The following RCBTB1 variants were observed in gnomAD, a reference collection of about 807,000 sequenced individuals.
RCBTB1 encodes RCC1 and BTB domain-containing protein 1.
A neutral mutation model predicts 62.4 loss-of-function variants in RCBTB1; 46 were observed. That is an observed-to-expected ratio of 0.74 (90% CI 0.58 to 0.94). The LOEUF is 0.94. Ranked by LOEUF, RCBTB1 falls within the 40% of genes least tolerant of loss-of-function variation. The pLI, the probability that RCBTB1 is intolerant of heterozygous loss-of-function variation, is 0.00. For missense variants in RCBTB1, 565 were observed against 654.9 expected, an observed-to-expected ratio of 0.86 and a Z score of 1.50; for synonymous variants, 222 against 245.8, an observed-to-expected ratio of 0.90 and a Z score of 0.91.
intron 1 of RCBTB1, among the ~76,000 whole-genome samples, chr13:49,584,534 C>T (rs1025595837): frequency 9.6e-4 from 146 of 152,230 alleles, no homozygotes; most frequent in African/African-American, 3.3e-3. Context: ...CTATAAACTG[C>T]CCTCAGGATT....
intron 4 of RCBTB1, among the ~76,000 whole-genome samples, chr13:49,564,709 G>A (rs1345123033): frequency 6.6e-5 from 10 of 151,070 alleles, no homozygotes; most frequent in African/African-American, 2.4e-4. Flanking sequence ...GGCTAACACG[G>A]TGAAACCCCA....
At chr13:49,571,734 G>C (rs578152924) in intron 2 of RCBTB1, among the ~76,000 whole-genome samples, 51 of 152,188 alleles carry the variant, frequency 3.4e-4, no homozygotes, top group South Asian at 1.5e-3. Flanking sequence ...GCAGCAGAGC[G>C]TAACTGTAAA....
At chr13:49,569,466 C>A (rs928446524) in intron 2 of RCBTB1, among the ~76,000 whole-genome samples, 18 of 151,848 alleles carry the variant, frequency 1.2e-4, no homozygotes, top group African/African-American at 4.4e-4. Context: ...AATCCCAGCA[C>A]TTTGGGAGAC....
chr13:49,541,050 T>C (rs1223644845), intron 11 of RCBTB1, 44 bp from the exon 12 acceptor site: 3 of 1,566,614 alleles, frequency 1.9e-6, no homozygotes, highest in Non-Finnish European at 2.6e-6. Context: ...TGTATAATAA[T>C]TTCCAATACA....
intron 12 of RCBTB1, among the ~76,000 whole-genome samples, chr13:49,537,552 G>GT (rs1307061148): frequency 6.6e-6 from 1 of 152,134 alleles, no homozygotes; most frequent in Non-Finnish European, 1.5e-5. Context: ...AAGCAAGATC[G>GT]TAAGATATAA....
chr13:49,558,219 T>A (rs1426555919), intron 5 of RCBTB1, among the ~76,000 whole-genome samples: 5 of 152,170 alleles, frequency 3.3e-5, no homozygotes, highest in Non-Finnish European at 7.3e-5. Context: ...TCTCAATGAT[T>A]CTAGTGAGAG....
chr13:49,541,018 A>G lies in RCBTB1; in HGVS notation c.1325-12T>C, dbSNP rs1381538680. ...CAAATCCAGAAGACCTAAAAGTAAA[A>G]TATGTGAAAGGTTTAATCAAATGTA... On this transcript the variant is annotated splice_polypyrimidine_tract_variant and intron_variant, in intron 11 of 12. Coordinates refer to ENST00000378302, the MANE Select transcript of RCBTB1 (RefSeq NM_018191.4). The G allele has an allele frequency of 1.2e-6, 2 of 1,607,896 alleles. No individual in the cohort carries two copies. The highest frequency in any genetic ancestry group is 1.1e-5 in the South Asian group (1 of 90,830).
At chr13:49,569,532 T>C (rs1242187592) in intron 2 of RCBTB1, among the ~76,000 whole-genome samples, 1 of 151,780 alleles carries the variant, frequency 6.6e-6, no homozygotes, top group African/African-American at 2.4e-5. Context: ...GCAAACATAG[T>C]GAAACCCCAT....
rs1160885874 is a variant in RCBTB1 at position 49,540,936 on chromosome 13, T to A, written c.1395A>T (p.Arg465Ser). Residue 465 changes from arginine to serine, a missense_variant, in exon 12 of 13, where the codon AGA becomes AGT. Physicochemically the swap from Arg to Ser is moderately radical, Grantham distance 110. Coordinates refer to ENST00000378302, the MANE Select transcript of RCBTB1 (RefSeq NM_018191.4). Reference protein sequence around the residue: ...LKKLCQHIIKRGITVENAFSL... With the variant: ...LKKLCQHIIKSGITVENAFSL... ...AAAAGGCATTCTCCACAGTAATTCC[T>A]CTCTTGATAATGTGCTGACAAAGTT... is the stretch of plus-strand genomic sequence containing the variant. 6.2e-7 allele frequency: 1 copy of A among 1,613,792 alleles called. No homozygotes were observed. The highest frequency in any genetic ancestry group is 8.5e-7 in the Non-Finnish European group (1 of 1,180,008).
intron 7 of RCBTB1, 30 bp from the exon 8 acceptor site, chr13:49,551,498 G>C: frequency 1.2e-6 from 2 of 1,612,194 alleles, no homozygotes; most frequent in Non-Finnish European, 1.7e-6. Flanking sequence ...GTTACCATTA[G>C]CAGGAAAACA....
intron 2 of RCBTB1, among the ~76,000 whole-genome samples, chr13:49,572,983 G>T (rs566330254): frequency 1.3e-5 from 2 of 152,290 alleles, no homozygotes; most frequent in South Asian, 4.1e-4. Flanking sequence ...ACCTTGGTAA[G>T]TACCCTGAGC....
Position 49,550,152 on chromosome 13 carries a change from T to C in RCBTB1, c.855-504A>G, listed in dbSNP as rs12876188. Among the ~76,000 whole-genome samples, 38 of 152,214 alleles carry C rather than the reference T, an allele frequency of 2.5e-4. No homozygotes were observed. The South Asian group carries it at 2.9e-3, about 12-fold the overall frequency. ...CACCACCATACCCGGCTAAGTTTTG[T>C]ATTTTTTATAGAGACAGAGTCTCGC... On this transcript the variant is annotated intron_variant, in intron 8 of 12. Coordinates refer to ENST00000378302, the MANE Select transcript of RCBTB1 (RefSeq NM_018191.4).
chr13:49,567,120 C>A, intron 3 of RCBTB1, 34 bp downstream of exon 3: 1 of 1,609,796 alleles, frequency 6.2e-7, no homozygotes, highest in South Asian at 1.1e-5. Context: ...CCAAATAAGT[C>A]CTAAAACGAA....
In RCBTB1 at chr13:49,544,854, T is replaced by C; in HGVS notation, c.1055A>G (p.Asp352Gly). The part of the protein sequence containing the change: ...SWRLLSVEHE[D>G]FLTVAESLKK... ...CAGTGACTCTGCAACTGTTAAAAAG[T>C]CTTCATGCTCTGAAGGCAACAAACA... is the stretch of plus-strand genomic sequence containing the variant. The change falls in exon 10 of 13, where the codon GAC becomes GGC. Residue 352 changes from aspartate to glycine, a missense_variant. Physicochemically the swap from Asp to Gly is moderately conservative, Grantham distance 94. Transcript: ENST00000378302. 6.2e-7 allele frequency: 1 copy of C among 1,610,774 alleles called. No homozygotes were observed. Among genetic ancestry groups the C allele is most frequent in the Non-Finnish European group, 8.5e-7 (1 of 1,178,986 alleles).
chr13:49,550,532 CATATT>C (rs1219513868), intron 8 of RCBTB1: 1 of 404,486 alleles, frequency 2.5e-6, no homozygotes, highest in Non-Finnish European at 3.4e-6. Context: ...TCCAGTAACA[CATATT>C]ATATCAAATC....
At chr13:49,575,016 G>T (rs1418353350) in intron 2 of RCBTB1, among the ~76,000 whole-genome samples, 1 of 152,202 alleles carries the variant, frequency 6.6e-6, no homozygotes, top group African/African-American at 2.4e-5. Context: ...ACCTAGAACA[G>T]TCAAATTCAT....
At chr13:49,583,312 G>GT (rs1964211726) in intron 1 of RCBTB1, among the ~76,000 whole-genome samples, 2 of 152,268 alleles carry the variant, frequency 1.3e-5, no homozygotes, top group South Asian at 2.1e-4. Flanking sequence ...GCTGGAGACC[G>GT]TAAGTCTTTA....
chr13:49,541,671 A>G lies in RCBTB1; in HGVS notation c.1324+5T>C. The G allele has an allele frequency of 6.2e-7, 1 of 1,606,686 alleles. No individual in the cohort carries two copies. Among genetic ancestry groups the G allele is most frequent in the East Asian group, 2.2e-5 (1 of 44,736 alleles). On this transcript the variant is annotated splice_donor_5th_base_variant and intron_variant, in intron 11 of 12. Coordinates refer to ENST00000378302, the MANE Select transcript of RCBTB1 (RefSeq NM_018191.4). ...GGCTCGTCCATCCCAATGCTACCAC[A>G]GTACCTATAGCATCTTCTGGCGGCA...
intron 4 of RCBTB1, among the ~76,000 whole-genome samples, chr13:49,562,543 G>A (rs1962527463): frequency 6.8e-6 from 1 of 146,028 alleles, no homozygotes. Context: ...AAATTTGGAA[G>A]ATCACTCCAG....
Sources: allele counts gnomAD v4.1 joint callset (sites outside exome capture counted in the v4.1 genomes callset), GRCh38; gene constraint gnomAD v4.1.1; transcripts MANE v1.5; gene names NCBI Gene and HGNC (gene_info 2026-07-23, HGNC 2026-07-21).